The following CTNNA2 variants were observed in gnomAD, a reference collection of about 807,000 sequenced individuals.
CTNNA2 encodes catenin alpha-2.
In CTNNA2, 42 loss-of-function variants were observed where a neutral mutation model predicts 101.0. The ratio of observed to expected loss-of-function variants is 0.42; its 90% CI spans 0.32 to 0.54. CTNNA2 has a LOEUF of 0.54. Among genes scored for constraint, CTNNA2 ranks in the 20% least tolerant of loss-of-function variants. The pLI is 0.14. For missense variants in CTNNA2, 871 were observed against 1,223.1 expected (o/e 0.71, Z 4.29); for synonymous variants, 450 against 456.4 (o/e 0.99, Z 0.18).
intron 4 of CTNNA2, among the ~76,000 whole-genome samples, chr2:79,456,107 A>G (rs771322493): frequency 1.6e-4 from 24 of 151,648 alleles, no homozygotes; most frequent in Non-Finnish European, 2.8e-4. Flanking sequence ...AGTATTTAAA[A>G]TTACATCTTC....
At chr2:79,245,594 T>C (rs1044140123) in intron 2 of CTNNA2, among the ~76,000 whole-genome samples, 6 of 152,254 alleles carry the variant, frequency 3.9e-5, no homozygotes, top group Non-Finnish European at 1.5e-5. Flanking sequence ...GGACTCACTT[T>C]AGCTTTGGTA....
At chr2:80,364,272 T>C (rs1330904545) in intron 7 of CTNNA2, among the ~76,000 whole-genome samples, 1 of 152,140 alleles carries the variant, frequency 6.6e-6, no homozygotes, top group African/African-American at 2.4e-5. Context: ...GAAAATAAAC[T>C]TTTGAAGGCG....
rs552668079 is a variant in CTNNA2, at chr2:80,032,088, A to G, written c.1056+122291A>G. On this transcript the variant is annotated intron_variant, in intron 7 of 18. Transcript: ENST00000402739. ...GTTAAACCCTTTTCCTTGATACTCC[A>G]TGAAGTTTATAGCTTTCATAAGAAT... Among the ~76,000 whole-genome samples the G allele has an allele frequency of 6.6e-5, 10 of 152,322 alleles. 2 individuals carry two copies. Among genetic ancestry groups the G allele is most frequent in the African/African-American group, 2.2e-4 (9 of 41,560 alleles).
At chr2:79,778,842 G>A (rs1674206936) in intron 3 of CTNNA2, among the ~76,000 whole-genome samples, 1 of 152,076 alleles carries the variant, frequency 6.6e-6, no homozygotes, top group South Asian at 2.1e-4. Context: ...TTTTATGCCA[G>A]TTTGAAAAAT....
At chr2:79,975,341 T>C (rs1690759019) in intron 7 of CTNNA2, among the ~76,000 whole-genome samples, 2 of 152,196 alleles carry the variant, frequency 1.3e-5, no homozygotes, top group African/African-American at 4.8e-5. Flanking sequence ...TTTTTCCTAC[T>C]CTACTGTCAC....
intron 18 of CTNNA2, among the ~76,000 whole-genome samples, chr2:80,620,213 A>G (rs983570958): frequency 2.0e-5 from 3 of 151,820 alleles, no homozygotes; most frequent in African/African-American, 7.2e-5. Context: ...CCTGGTGTGG[A>G]TTATGAGTAT....
rs183208732 is a variant in CTNNA2 at position 79,470,093 on chromosome 2, C to T, written c.-134-34961C>T. ...TAGGAAAAGAGGAAGTCAAATTGTCCCTGTTTGCAGATGACATGATTAAAG... is the reference window on the plus strand; with the variant it reads ...TAGGAAAAGAGGAAGTCAAATTGTCTCTGTTTGCAGATGACATGATTAAAG... On this transcript the variant is annotated intron_variant, in intron 4 of 21. Transcript: ENST00000466387. Among the ~76,000 whole-genome samples, 352 of 152,178 alleles carry T rather than the reference C, an allele frequency of 2.3e-3. 3 individuals carry two copies. Among genetic ancestry groups the T allele is most frequent in the Admixed American group, 0.015 (228 of 15,288 alleles).
At chr2:79,544,013 G>C (rs532692967) in intron 1 of CTNNA2, among the ~76,000 whole-genome samples, 9 of 151,998 alleles carry the variant, frequency 5.9e-5, no homozygotes, top group Non-Finnish European at 8.8e-5. Flanking sequence ...ATCTCGGGTC[G>C]CTGCAAACCC....
intron 7 of CTNNA2, among the ~76,000 whole-genome samples, chr2:80,250,898 A>G (rs1671713563): frequency 6.6e-6 from 1 of 152,128 alleles, no homozygotes; most frequent in Admixed American, 6.6e-5. Context: ...ATACTATGAT[A>G]TTGGTAGGTA....
chr2:79,467,992 A>G (rs937468679), intron 4 of CTNNA2, among the ~76,000 whole-genome samples: 21 of 152,346 alleles, frequency 1.4e-4, no homozygotes, highest in African/African-American at 5.0e-4. Context: ...ATAACCAGCT[A>G]ACATCATAAT....
chr2:79,345,726 T>C (rs988167011), intron 3 of CTNNA2, among the ~76,000 whole-genome samples: 5 of 152,158 alleles, frequency 3.3e-5, no homozygotes, highest in Non-Finnish European at 7.4e-5. Flanking sequence ...AGAGTTTCAC[T>C]TTGTTGCCCA....
intron 7 of CTNNA2, among the ~76,000 whole-genome samples, chr2:80,390,681 T>C (rs1677428445): frequency 6.6e-6 from 1 of 152,226 alleles, no homozygotes; most frequent in South Asian, 2.1e-4. Context: ...GCACTGTTTT[T>C]TAAGTTTAAA....
chr2:80,423,593 GC>G (rs1163506549), intron 9 of CTNNA2, among the ~76,000 whole-genome samples: 1 of 151,946 alleles, frequency 6.6e-6, no homozygotes, highest in Admixed American at 6.6e-5. Context: ...TTGTTTTGGG[GC>G]GGCTCCACAG....
At chr2:80,392,734 A>G (rs904814235) in intron 7 of CTNNA2, among the ~76,000 whole-genome samples, 2 of 152,206 alleles carry the variant, frequency 1.3e-5, no homozygotes, top group African/African-American at 4.8e-5. Context: ...TTTGAATTTG[A>G]TATAGAAGTT....
chr2:79,953,282 G>T (rs1014613183), intron 7 of CTNNA2, among the ~76,000 whole-genome samples: 1 of 151,956 alleles, frequency 6.6e-6, no homozygotes, highest in Non-Finnish European at 1.5e-5. Flanking sequence ...CTGTACCTTG[G>T]TTGGAAATTA....
At chr2:79,205,117 T>C (rs893360748) in intron 2 of CTNNA2, among the ~76,000 whole-genome samples, 1 of 152,232 alleles carries the variant, frequency 6.6e-6, no homozygotes, top group Admixed American at 6.5e-5. Context: ...TGTTGGGTCA[T>C]AGAAGGTTAT....
intron 2 of CTNNA2, among the ~76,000 whole-genome samples, chr2:79,255,707 A>C (rs1674836083): frequency 6.6e-6 from 1 of 152,228 alleles, no homozygotes; most frequent in Non-Finnish European, 1.5e-5. Context: ...GGACTCATAC[A>C]GTAGCCTAAC....
intron 7 of CTNNA2, among the ~76,000 whole-genome samples, chr2:80,006,975 A>G (rs1027196199): frequency 3.9e-5 from 6 of 152,134 alleles, no homozygotes; most frequent in African/African-American, 1.4e-4. Context: ...TGAATTTTTG[A>G]CAATGCATTT....
intron 7 of CTNNA2, among the ~76,000 whole-genome samples, chr2:80,082,562 G>A (rs1295873214): frequency 2.6e-5 from 4 of 152,000 alleles, no homozygotes; most frequent in Non-Finnish European, 5.9e-5. Flanking sequence ...TTGGTCGGTG[G>A]GTGACTTCTG....
Sources: allele counts gnomAD v4.1 joint callset (sites outside exome capture counted in the v4.1 genomes callset), GRCh38; gene constraint gnomAD v4.1.1; transcripts MANE v1.5; gene names NCBI Gene and HGNC (gene_info 2026-07-23, HGNC 2026-07-21).